SYTL5: variants seen among roughly 807,000 people sequenced by gnomAD.
SYTL5 encodes the protein synaptotagmin like 5.
In SYTL5, 34 loss-of-function variants were observed where a neutral mutation model predicts 55.9. The observed-to-expected ratio is 0.61, with a 90% CI of 0.46 to 0.81. The LOEUF (loss-of-function observed/expected upper bound fraction) is 0.81. Among genes scored for constraint, SYTL5 ranks in the 30% least tolerant of loss-of-function variants. The pLI is 0.00. For synonymous variants in SYTL5, 221 were observed against 188.7 expected, an observed-to-expected ratio of 1.17 and a Z score of -1.40; for missense variants, 637 against 546.7, an observed-to-expected ratio of 1.17 and a Z score of -1.65.
chrX:38,012,129 A>G (rs1177076782), intron 1 of SYTL5, among the ~76,000 whole-genome samples: 2 of 112,300 alleles, frequency 1.8e-5, no homozygotes, highest in Non-Finnish European at 3.8e-5. Flanking sequence ...TTCTAACAGA[A>G]TGCCAGGAAA....
chrX:37,914,069 T>G, the SYTL5 span, among the ~76,000 whole-genome samples: 7,309 of 111,809 alleles, frequency 0.065, 280 homozygotes, highest in African/African-American at 0.14. Context: ...CATCATGAGA[T>G]CTGATAATTC....
the SYTL5 span, among the ~76,000 whole-genome samples, chrX:37,895,409 TTTCCTTCCTTCC>T: frequency 2.2e-4 from 18 of 83,444 alleles, no homozygotes; most frequent in Non-Finnish European, 3.3e-4. Context: ...TAGTTTTTCT[TTTCCTTCCTTCC>T]TTCCTTCCTT....
chrX:38,030,100 CT>C (rs1220527418), intron 1 of SYTL5, among the ~76,000 whole-genome samples: 2 of 110,625 alleles, frequency 1.8e-5, no homozygotes, highest in African/African-American at 3.3e-5. Flanking sequence ...TGGGTGGGGA[CT>C]TTTTTTTAAC....
At chrX:37,986,436 A>G in the SYTL5 span, among the ~76,000 whole-genome samples, 1 of 112,054 alleles carries the variant, frequency 8.9e-6, no homozygotes, top group Admixed American at 9.4e-5. Flanking sequence ...AGGGATTTTC[A>G]CAGTGCTTTT....
the SYTL5 span, among the ~76,000 whole-genome samples, chrX:37,943,733 G>C: frequency 1.1e-4 from 12 of 111,583 alleles, no homozygotes; most frequent in African/African-American, 3.9e-4. Flanking sequence ...TTAGAAGTCA[G>C]ATTCCTCGTT....
the SYTL5 span, among the ~76,000 whole-genome samples, chrX:37,966,893 C>T: frequency 8.9e-6 from 1 of 111,951 alleles, no homozygotes; most frequent in Non-Finnish European, 1.9e-5. Context: ...TGTATGCTTT[C>T]GTTTTGCTGT....
At chrX:37,961,604 C>T in the SYTL5 span, among the ~76,000 whole-genome samples, 2 of 111,574 alleles carry the variant, frequency 1.8e-5, no homozygotes, top group African/African-American at 6.5e-5. Context: ...CACAATATAT[C>T]TTTTGTCACC....
intron 2 of SYTL5, among the ~76,000 whole-genome samples, chrX:38,040,679 T>G (rs1241007285): frequency 6.2e-5 from 7 of 112,145 alleles, no homozygotes; most frequent in African/African-American, 2.3e-4. Flanking sequence ...TATGGCTGAA[T>G]AGTACACCAT....
chrX:37,910,440 G>A, the SYTL5 span, among the ~76,000 whole-genome samples: 1 of 112,397 alleles, frequency 8.9e-6, no homozygotes, highest in African/African-American at 3.2e-5. Context: ...TGAAGGCTGG[G>A]ACTTCAACAT....
Position 38,095,926 on chromosome X carries a change from C to G in SYTL5, c.962-208C>G, listed in dbSNP as rs1421953855. 5.4e-5 allele frequency among the ~76,000 whole-genome samples: 6 copies of G among 110,962 alleles called. No individual in the cohort carries two copies. The Admixed American group carries it at 5.8e-4, about 11-fold the overall frequency. ...ATGAACACCTAAGTGTAATTCGGTC[C>G]AAGGCAATTACCAAAATATTATTAA... On this transcript the variant is annotated intron_variant, in intron 8 of 16. Transcript: ENST00000297875.
chrX:38,115,405 A>C (rs368364240), intron 13 of SYTL5, among the ~76,000 whole-genome samples: 1 of 89,324 alleles, frequency 1.1e-5, no homozygotes, highest in Non-Finnish European at 2.1e-5. Context: ...AATGGCGTGA[A>C]CCCGGGAGGC....
chrX:37,895,505 T>TTTCTTTTC, the SYTL5 span, among the ~76,000 whole-genome samples: 288 of 99,268 alleles, frequency 2.9e-3, 3 homozygotes, highest in African/African-American at 0.011. Context: ...TCTTTCTTTC[T>TTTCTTTTC]TTTTCTTTTC....
chrX:37,937,890 A>G, the SYTL5 span, among the ~76,000 whole-genome samples: 2 of 112,541 alleles, frequency 1.8e-5, no homozygotes, highest in Non-Finnish European at 3.8e-5. Context: ...CAGAAAGTCT[A>G]TGGATTTAAT....
chrX:38,090,262 A>G (rs1936765238), intron 7 of SYTL5, among the ~76,000 whole-genome samples: 1 of 112,385 alleles, frequency 8.9e-6, no homozygotes, highest in Non-Finnish European at 1.9e-5. Context: ...AAACTGATTT[A>G]AATCTGGAAA....
chrX:38,095,525 A>C (rs1319797401), intron 8 of SYTL5, among the ~76,000 whole-genome samples: 1 of 111,937 alleles, frequency 8.9e-6, no homozygotes, highest in African/African-American at 3.2e-5. Context: ...CATTACTAAG[A>C]GGTGCATTGC....
the SYTL5 span, among the ~76,000 whole-genome samples, chrX:37,932,764 T>C: frequency 9.7e-3 from 1,092 of 112,253 alleles, 12 homozygotes; most frequent in African/African-American, 0.034. Context: ...AAATTTCTGG[T>C]TCAGATTGTA....
chrX:37,986,580 C>G, the SYTL5 span, among the ~76,000 whole-genome samples: 1 of 112,089 alleles, frequency 8.9e-6, no homozygotes, highest in African/African-American at 3.2e-5. Flanking sequence ...TTTACTTCTT[C>G]TTTCTTTGGA....
chrX:37,926,703 T>G, the SYTL5 span, among the ~76,000 whole-genome samples: 1 of 111,703 alleles, frequency 9.0e-6, no homozygotes, highest in South Asian at 3.7e-4. Flanking sequence ...TTTAAAAAAT[T>G]TTCATGTGGG....
upstream of SYTL5, among the ~76,000 whole-genome samples, chrX:38,002,190 T>C (rs1038419994): frequency 1.8e-5 from 2 of 111,952 alleles, no homozygotes; most frequent in African/African-American, 6.5e-5. Flanking sequence ...ACAAAGGACA[T>C]CAACTCATTG....
Sources: allele counts gnomAD v4.1 joint callset (sites outside exome capture counted in the v4.1 genomes callset), GRCh38; gene constraint gnomAD v4.1.1; transcripts MANE v1.5; gene names NCBI Gene and HGNC (gene_info 2026-07-23, HGNC 2026-07-21).